PCDH11X: variants seen among roughly 807,000 people sequenced by gnomAD.
The protein encoded by PCDH11X is protocadherin 11 X-linked, also known as protocadherin-11 X-linked.
A neutral mutation model predicts 53.3 loss-of-function variants in PCDH11X; 18 were observed. The observed-to-expected ratio is 0.34, with a 90% CI of 0.23 to 0.50. PCDH11X has a LOEUF of 0.50. Among genes scored for constraint, PCDH11X ranks in the 20% least tolerant of loss-of-function variants. The pLI, the probability that PCDH11X is intolerant of heterozygous loss-of-function variation, is 0.98. For synonymous variants in PCDH11X, 279 were observed against 393.3 expected, an observed-to-expected ratio of 0.71 and a Z score of 3.44; for missense variants, 570 against 1,032.4, an observed-to-expected ratio of 0.55 and a Z score of 6.14.
chrX:92,315,333 A>T (rs1360254432), intron 8 of PCDH11X, among the ~76,000 whole-genome samples: 2 of 111,695 alleles, frequency 1.8e-5, no homozygotes, highest in African/African-American at 6.5e-5. Flanking sequence ...GACAGTTTAG[A>T]TATTTAAAAC....
chrX:92,338,388 T>A (rs1223120309), intron 8 of PCDH11X, among the ~76,000 whole-genome samples: 1 of 111,506 alleles, frequency 9.0e-6, no homozygotes, highest in Non-Finnish European at 1.9e-5. Flanking sequence ...GTTCCTTTTT[T>A]TAATTGAGTA....
chrX:92,042,929 G>A (rs1468145329), intron 6 of PCDH11X, among the ~76,000 whole-genome samples: 1 of 109,797 alleles, frequency 9.1e-6, no homozygotes, highest in Non-Finnish European at 1.9e-5. Flanking sequence ...GTGAGCCACC[G>A]CGCCCGGCCG....
Position 91,878,579 on chromosome X carries a change from C to T in PCDH11X, c.2339C>T (p.Thr780Ile). 3.3e-6 allele frequency: 4 copies of T among 1,211,560 alleles called. No homozygotes were observed. In the South Asian group the frequency reaches 7.0e-5, roughly 21 times the overall value. The change falls in exon 6 of 11, where the codon ACA becomes ATA. Residue 780 changes from threonine to isoleucine, a missense_variant. Around this residue, in one of 6 missense-constraint regions of PCDH11X, gnomAD observed 226 missense variants for 457.5 expected, o/e 0.49. Coordinates refer to ENST00000682573, the MANE Select transcript of PCDH11X (RefSeq NM_032968.5). ...GTGAATGAGTCGGTGACCAATGCTA[C>T]ACTGATTAATGAACTGGTGCGCAAA... ...LFVNESVTNA[T>I]LINELVRKST... is the part of the protein sequence containing the mutation.
At chrX:92,342,467 G>C (rs2069787148) in intron 8 of PCDH11X, among the ~76,000 whole-genome samples, 1 of 111,613 alleles carries the variant, frequency 9.0e-6, no homozygotes, top group Admixed American at 9.6e-5. Flanking sequence ...CCCATAAACA[G>C]TGGATTGGTT....
chrX:91,822,807 A>C (rs1602295056), intron 4 of PCDH11X, among the ~76,000 whole-genome samples: 2 of 111,521 alleles, frequency 1.8e-5, no homozygotes, highest in East Asian at 5.7e-4. Context: ...TCTTGTGGGC[A>C]TTTAGTGCTA....
intron 6 of PCDH11X, among the ~76,000 whole-genome samples, chrX:92,123,353 A>G (rs1274077408): frequency 9.0e-6 from 1 of 111,378 alleles, no homozygotes; most frequent in African/African-American, 3.3e-5. Context: ...ACAATTTATC[A>G]TTGTCACACC....
chrX:92,067,131 A>C (rs2063621232), intron 6 of PCDH11X, among the ~76,000 whole-genome samples: 1 of 111,058 alleles, frequency 9.0e-6, no homozygotes, highest in Non-Finnish European at 1.9e-5. Flanking sequence ...TAAAAGTAAA[A>C]ATAAATTTGG....
intron 6 of PCDH11X, among the ~76,000 whole-genome samples, chrX:91,892,464 A>C (rs1602442434): frequency 9.1e-6 from 1 of 110,187 alleles, no homozygotes; most frequent in Non-Finnish European, 1.9e-5. Flanking sequence ...AATCTTAACC[A>C]GTTCTACTTG....
At chrX:92,039,622 C>T (rs974121431) in intron 6 of PCDH11X, among the ~76,000 whole-genome samples, 3 of 112,022 alleles carry the variant, frequency 2.7e-5, no homozygotes, top group Admixed American at 9.4e-5. Flanking sequence ...GTGGGCTCCC[C>T]TCTGGCCCAG....
At chrX:92,165,419 G>T (rs2759816) in intron 6 of PCDH11X, among the ~76,000 whole-genome samples, 1 of 91,026 alleles carries the variant, frequency 1.1e-5, no homozygotes. Flanking sequence ...AAGCCATCTT[G>T]CCTATGGGAT....
At chrX:91,933,696 T>A (rs1232976103) in intron 6 of PCDH11X, among the ~76,000 whole-genome samples, 1 of 111,445 alleles carries the variant, frequency 9.0e-6, no homozygotes, top group Non-Finnish European at 1.9e-5. Context: ...CCATGCATAT[T>A]TATGAACTGC....
Position 91,874,366 on chromosome X carries a change from G to A in PCDH11X, c.541-2415G>A, listed in dbSNP as rs750629912. On this transcript the variant is annotated intron_variant, in intron 5 of 10. Coordinates refer to ENST00000682573, the MANE Select transcript of PCDH11X (RefSeq NM_032968.5). ...CTTGCTAATTTTCAAATATAAATAC[G>A]TATAACATGAAAATGTTTTTCTTAC... Among the ~76,000 whole-genome samples, 18 of 110,100 alleles carry A rather than the reference G, an allele frequency of 1.6e-4. No homozygotes were observed. In the South Asian group the frequency reaches 6.1e-3, roughly 37 times the overall value.
At chrX:92,153,260 C>G (rs2065472275) in intron 6 of PCDH11X, among the ~76,000 whole-genome samples, 1 of 107,619 alleles carries the variant, frequency 9.3e-6, no homozygotes, top group African/African-American at 3.4e-5. Flanking sequence ...TTTTATGAAA[C>G]AAATCTAACT....
chrX:92,569,405 G>A (rs1286340488), intron 10 of PCDH11X, among the ~76,000 whole-genome samples: 2 of 107,488 alleles, frequency 1.9e-5, no homozygotes, highest in East Asian at 2.9e-4. Context: ...CTTTATTAAG[G>A]GCCACCTCAA....
At chrX:92,093,867 G>A (rs1364540428) in intron 6 of PCDH11X, among the ~76,000 whole-genome samples, 5 of 110,642 alleles carry the variant, frequency 4.5e-5, no homozygotes, top group African/African-American at 1.6e-4. Flanking sequence ...AAAGTGATAC[G>A]CAAGAGATGA....
intron 6 of PCDH11X, among the ~76,000 whole-genome samples, chrX:92,155,617 CTTTTTTT>C (rs775178966): frequency 1.3e-5 from 1 of 79,782 alleles, no homozygotes; most frequent in African/African-American, 5.6e-5. Context: ...ACTTCAATAG[CTTTTTTT>C]TTTTTTTTTT....
chrX:92,447,432 A>G (rs1282383771), intron 9 of PCDH11X, among the ~76,000 whole-genome samples: 2 of 111,306 alleles, frequency 1.8e-5, no homozygotes, highest in African/African-American at 6.5e-5. Flanking sequence ...TCCAGCCACA[A>G]ATAAATGGGG....
At chrX:92,379,450 G>A (rs2070823662) in intron 8 of PCDH11X, among the ~76,000 whole-genome samples, 2 of 113,140 alleles carry the variant, frequency 1.8e-5, no homozygotes, top group South Asian at 7.1e-4. Context: ...GGTGCTGAGG[G>A]CAGCTGGGCA....
chrX:92,101,734 C>CA (rs1264185568), intron 6 of PCDH11X, among the ~76,000 whole-genome samples: 2 of 109,913 alleles, frequency 1.8e-5, no homozygotes, highest in Non-Finnish European at 3.8e-5. Context: ...TTTCCTGACT[C>CA]GGGCATGTTG....
Sources: allele counts gnomAD v4.1 joint callset (sites outside exome capture counted in the v4.1 genomes callset), GRCh38; gene constraint gnomAD v4.1.1; regional missense constraint gnomAD v4.1.1; transcripts MANE v1.5; gene names NCBI Gene and HGNC (gene_info 2026-07-23, HGNC 2026-07-21).